The following MCOLN2 variants were observed in gnomAD, a reference collection of about 807,000 sequenced individuals.
MCOLN2 encodes the protein mucolipin-2.
A neutral mutation model predicts 67.5 loss-of-function variants in MCOLN2; 57 were observed. The ratio of observed to expected loss-of-function variants is 0.84; its 90% CI spans 0.68 to 1.05. The LOEUF (loss-of-function observed/expected upper bound fraction) is 1.05, where lower values mean the gene tolerates loss of function less well. Among genes scored for constraint, MCOLN2 ranks in the 50% least tolerant of loss-of-function variants. The pLI is 0.00. For missense variants in MCOLN2, 620 were observed against 678.8 expected, an observed-to-expected ratio of 0.91 and a Z score of 0.96; for synonymous variants, 246 against 233.3, an observed-to-expected ratio of 1.05 and a Z score of -0.50.
At chr1:84,958,073 A>AT (rs1401902008) in intron 3 of MCOLN2, among the ~76,000 whole-genome samples, 2 of 152,220 alleles carry the variant, frequency 1.3e-5, no homozygotes, top group African/African-American at 2.4e-5. Flanking sequence ...AGAATCCCTG[A>AT]TTTTTTTATT....
intron 7 of MCOLN2, among the ~76,000 whole-genome samples, chr1:84,944,384 A>G (rs1008661385): frequency 2.0e-5 from 3 of 152,016 alleles, no homozygotes; most frequent in Admixed American, 6.5e-5. Context: ...AATACAAAAA[A>G]TAGTCGGGCG....
chr1:84,931,668 G>A (rs1221308740), intron 11 of MCOLN2, 100 bp from the exon 12 acceptor site: 8 of 970,084 alleles, frequency 8.2e-6, no homozygotes, highest in South Asian at 7.5e-5. Flanking sequence ...TGTCATTGTA[G>A]TAGTGGTAAC....
chr1:84,956,253 A>G (rs1648782978), intron 4 of MCOLN2, among the ~76,000 whole-genome samples, 178 bp downstream of exon 4: 2 of 152,094 alleles, frequency 1.3e-5, no homozygotes, highest in Non-Finnish European at 2.9e-5. Context: ...TCCCATCGCC[A>G]CAACCCCACA....
intron 9 of MCOLN2, among the ~76,000 whole-genome samples, 170 bp downstream of exon 9, chr1:84,939,383 C>T (rs1246373964): frequency 6.6e-6 from 1 of 152,186 alleles, no homozygotes; most frequent in East Asian, 1.9e-4. Context: ...GGAACATCGG[C>T]TTCCTTTCCC....
Position 84,943,670 on chromosome 1 carries a change from G to A in MCOLN2, c.848-2679C>T, listed in dbSNP as rs575706656. ...CAAAGCAGCTCCTACAATGGGTGGC[G>A]AGCAGAGACAGCCAGCTGGTAAATG... On this transcript the variant is annotated intron_variant, in intron 7 of 13. Transcript: ENST00000370608. 5.3e-5 allele frequency among the ~76,000 whole-genome samples: 8 copies of A among 152,294 alleles called. No homozygotes were observed. In the East Asian group the frequency reaches 7.7e-4, roughly 15 times the overall value.
chr1:84,961,218 T>C (rs908556177), intron 2 of MCOLN2, among the ~76,000 whole-genome samples: 21 of 152,186 alleles, frequency 1.4e-4, no homozygotes, highest in African/African-American at 5.1e-4. Context: ...TAGAGTCTGT[T>C]TGTTCTCTCA....
At chr1:84,989,908 C>T (rs1557667439) in intron 1 of MCOLN2, among the ~76,000 whole-genome samples, 1 of 152,090 alleles carries the variant, frequency 6.6e-6, no homozygotes. Flanking sequence ...AAAAACCTAT[C>T]TTAATTTTTA....
intron 1 of MCOLN2, among the ~76,000 whole-genome samples, chr1:84,968,866 G>A (rs536182245): frequency 3.3e-5 from 5 of 152,352 alleles, no homozygotes; most frequent in Admixed American, 3.3e-4. Context: ...AACCCTGGAA[G>A]AAGGAAGGCT....
intron 6 of MCOLN2, among the ~76,000 whole-genome samples, 196 bp from the exon 7 acceptor site, chr1:84,947,328 AC>A (rs201956706): frequency 0.042 from 6,328 of 151,714 alleles, 464 homozygotes; most frequent in African/African-American, 0.15. Context: ...ACACACACAC[AC>A]GGGACCAAAA....
intron 6 of MCOLN2, 108 bp from the exon 7 acceptor site, chr1:84,947,240 G>A: frequency 1.5e-6 from 1 of 671,776 alleles, no homozygotes; most frequent in Non-Finnish European, 2.7e-6. Flanking sequence ...CTGATCCAAA[G>A]AGAATTACAC....
At chr1:84,963,297 C>T (rs1649191265) in intron 2 of MCOLN2, among the ~76,000 whole-genome samples, 1 of 152,306 alleles carries the variant, frequency 6.6e-6, no homozygotes, top group East Asian at 1.9e-4. Context: ...TAGCTGTCAG[C>T]AGCACTGGTA....
intron 2 of MCOLN2, 100 bp downstream of exon 2, chr1:84,965,449 G>C: frequency 7.8e-7 from 1 of 1,288,724 alleles, no homozygotes; most frequent in Non-Finnish European, 1.1e-6. Context: ...TTATGAACTT[G>C]AGTGTGGGCT....
chr1:84,947,329 C>CACAA (rs1553154757), intron 6 of MCOLN2, among the ~76,000 whole-genome samples, 197 bp from the exon 7 acceptor site: 1 of 140,064 alleles, frequency 7.1e-6, no homozygotes, highest in African/African-American at 3.3e-5. Flanking sequence ...CACACACACA[C>CACAA]GGGACCAAAA....
At chr1:84,957,562 A>G (rs1318394319) in intron 3 of MCOLN2, among the ~76,000 whole-genome samples, 1 of 152,178 alleles carries the variant, frequency 6.6e-6, no homozygotes, top group Non-Finnish European at 1.5e-5. Context: ...TGCCATGTCC[A>G]TCAGTCCTAA....
chr1:84,986,953 T>C (rs1288229458), intron 1 of MCOLN2, among the ~76,000 whole-genome samples: 3 of 152,056 alleles, frequency 2.0e-5, no homozygotes, highest in Non-Finnish European at 4.4e-5. Context: ...ATACAACCAC[T>C]GAAAACAATG....
intron 9 of MCOLN2, 131 bp downstream of exon 9, chr1:84,939,422 T>C: frequency 3.3e-6 from 3 of 897,736 alleles, no homozygotes; most frequent in Non-Finnish European, 5.1e-6. Context: ...AGGGGAGGCC[T>C]CACTTGTGCT....
intron 2 of MCOLN2, 58 bp from the exon 3 acceptor site, chr1:84,958,760 A>AT: frequency 1.5e-6 from 2 of 1,296,130 alleles, no homozygotes; most frequent in Non-Finnish European, 2.1e-6. Context: ...GGGGAGGCAA[A>AT]TGTCTTCTCA....
At chr1:84,929,343 A>C (rs1361337861) in intron 13 of MCOLN2, among the ~76,000 whole-genome samples, 4 of 152,242 alleles carry the variant, frequency 2.6e-5, no homozygotes, top group African/African-American at 9.6e-5. Flanking sequence ...TATTTCTAAG[A>C]GATTCCAATC....
intron 12 of MCOLN2, 84 bp from the exon 13 acceptor site, chr1:84,929,763 T>C: frequency 1.4e-6 from 2 of 1,404,716 alleles, no homozygotes; most frequent in Non-Finnish European, 1.9e-6. Flanking sequence ...CCACCTTTGC[T>C]AAAATAAAAC....
Sources: gnomAD v4.1 joint callset for allele counts (sites outside exome capture counted in the v4.1 genomes callset) on GRCh38, gnomAD v4.1.1 for gene constraint, MANE v1.5 for transcripts, NCBI Gene and HGNC (gene_info 2026-07-23, HGNC 2026-07-21) for gene names.